The following TBC1D28 variants were observed in gnomAD, a reference collection of about 807,000 sequenced individuals.
TBC1D28 encodes the protein TBC1 domain family, member 28.
Under a neutral mutation model 29.2 loss-of-function variants are expected in TBC1D28, and 20 were observed. The ratio of observed to expected loss-of-function variants is 0.68; its 90% CI spans 0.48 to 0.99. The LOEUF is 0.99. Among genes scored for constraint, TBC1D28 ranks in the 50% least tolerant of loss-of-function variants. The pLI, the probability that TBC1D28 is intolerant of heterozygous loss-of-function variation, is 0.00. For missense variants in TBC1D28, 205 were observed against 243.7 expected (o/e 0.84, Z 1.06); for synonymous variants, 65 against 90.9 (o/e 0.71, Z 1.62).
chr17:18,636,662 A>G (rs1236669221), intron 8 of TBC1D28, 65 bp from the exon 10 acceptor site: 4 of 1,574,994 alleles, frequency 2.5e-6, no homozygotes, highest in Non-Finnish European at 3.5e-6. Flanking sequence ...CATTTTGTCT[A>G]CAAACCCAAA....
At position 18,638,058 on chromosome 17, in the gene TBC1D28, C is replaced by T. The variant is rs1243661794; in HGVS notation, c.388-85G>A. 4.5e-6 allele frequency: 7 copies of T among 1,546,084 alleles called. No homozygotes were observed. The Admixed American group carries it at 1.2e-4, about 26-fold the overall frequency. ...CAAACGGCAGTCATCCCACAGTCAGCACTTCTGGAAGGAAGGAAGGAAGGA... is the reference window on the plus strand; with the variant it reads ...CAAACGGCAGTCATCCCACAGTCAGTACTTCTGGAAGGAAGGAAGGAAGGA... On this transcript the variant is annotated intron_variant, in intron 7 of 8. Coordinates refer to ENST00000345096, the Ensembl canonical transcript of TBC1D28.
chr17:18,644,155 A>G (rs1164307497), upstream of TBC1D28: 2 of 151,666 alleles, frequency 1.3e-5, no homozygotes, highest in Non-Finnish European at 2.9e-5. Flanking sequence ...AGAGTCCACC[A>G]GGTCAGTGCA....
At chr17:18,638,869 T>A (rs2151717430) in intron 5 of TBC1D28, 168 bp from the exon 7 acceptor site, 1 of 914,378 alleles carries the variant, frequency 1.1e-6, no homozygotes, top group Admixed American at 2.6e-5. Context: ...GCTGGTAGTC[T>A]GGACTGGTGA....
At chr17:18,636,668 C>T in intron 8 of TBC1D28, 71 bp from the exon 10 acceptor site, 2 of 1,563,100 alleles carry the variant, frequency 1.3e-6, no homozygotes, top group South Asian at 2.4e-5. Flanking sequence ...GTCTACAAAC[C>T]CAAATAACGA....
At chr17:18,643,852 C>A (rs983274776), upstream of TBC1D28, among the ~76,000 whole-genome samples, 31 of 152,352 alleles carry the variant, frequency 2.0e-4, 1 homozygote, top group Admixed American at 5.2e-4. Context: ...GTGAGACCTC[C>A]TCCTGCGGAC....
exon 9 of TBC1D28, chr17:18,635,330 A>G (rs561765503): frequency 2.5e-3 from 390 of 158,062 alleles, no homozygotes; most frequent in Non-Finnish European, 3.8e-3. Flanking sequence ...GGGGATCTGA[A>G]AACTCCAGGT....
At chr17:18,643,952 ACT>A (rs2031884458), upstream of TBC1D28, among the ~76,000 whole-genome samples, 2 of 152,072 alleles carry the variant, frequency 1.3e-5, no homozygotes, top group Non-Finnish European at 2.9e-5. Context: ...TCAGGGCCAG[ACT>A]CTGCCCCATC....
At position 18,637,307 on chromosome 17, in the gene TBC1D28, C is replaced by T. The variant is rs1187952830; in HGVS notation, c.497+557G>A. Among the ~76,000 whole-genome samples, 2 of 89,708 alleles carry T rather than the reference C, an allele frequency of 2.2e-5. 1 individual carries two copies. The highest frequency in any genetic ancestry group is 1.2e-4 in the African/African-American group (2 of 16,672). The allele number at this position is 89,708 out of a possible 152,430, so 58.9% of individuals were successfully genotyped here. ...ACAACCAATCAAGCGGTGAACGTCACATGCGGGTTTTACTTGGACGTCAGT... is the reference window on the plus strand; with the variant it reads ...ACAACCAATCAAGCGGTGAACGTCATATGCGGGTTTTACTTGGACGTCAGT... On this transcript the variant is annotated intron_variant, in intron 8 of 8. Coordinates refer to ENST00000345096, the Ensembl canonical transcript of TBC1D28.
intron 7 of TBC1D28, 34 bp downstream of exon 8, chr17:18,638,279 T>G (rs2031595755): frequency 6.2e-7 from 1 of 1,609,694 alleles, no homozygotes; most frequent in Non-Finnish European, 8.5e-7. Flanking sequence ...CTAGCTTGTT[T>G]GTACTGCCCT....
chr17:18,635,059 A>T (rs2031428413), exon 9 of TBC1D28: 1 of 151,978 alleles, frequency 6.6e-6, no homozygotes, highest in Non-Finnish European at 1.5e-5. Flanking sequence ...GGGGGAGCGG[A>T]CCCCGAGAGG....
exon 3 of TBC1D28, chr17:18,641,340 C>T (rs1304033294): frequency 3.7e-6 from 6 of 1,613,836 alleles, no homozygotes; most frequent in Middle Eastern, 3.3e-4. Context: ...TCCGGGTCCT[C>T]ATCCATCTCC....
chr17:18,634,252 G>A (rs2031375576), downstream of TBC1D28, among the ~76,000 whole-genome samples: 2 of 149,918 alleles, frequency 1.3e-5, no homozygotes, highest in South Asian at 4.2e-4. Context: ...AGAGATATAC[G>A]AGACTTTTTT....
upstream of TBC1D28, chr17:18,642,517 G>A (rs2031817868): frequency 6.6e-6 from 1 of 152,116 alleles, no homozygotes; most frequent in African/African-American, 2.4e-5. Flanking sequence ...GGGTAGGGCT[G>A]AGTGCACGGC....
upstream of TBC1D28, chr17:18,642,666 T>C (rs2031824596): frequency 6.6e-6 from 1 of 152,246 alleles, no homozygotes; most frequent in Admixed American, 6.5e-5. Context: ...GTCCACGCCG[T>C]CAGTGCAGAA....
exon 9 of TBC1D28, chr17:18,636,476 C>T: frequency 6.2e-7 from 1 of 1,612,026 alleles, no homozygotes; most frequent in African/African-American, 1.3e-5. Context: ...GAAGTTGCAA[C>T]ACCCCCGAGA....
rs2031620508 is a variant in TBC1D28 at position 18,638,615 on chromosome 17, T to C, written c.279+6A>G. The C allele has an allele frequency of 1.2e-6, 2 of 1,614,098 alleles. No individual in the cohort carries two copies. The highest frequency in any genetic ancestry group is 1.3e-5 in the African/African-American group (1 of 74,930). The stretch of plus-strand genomic sequence containing the variant: ...AGTCACGGGGGCCGCTTCCTCCCCA[T>C]GTTACCTTCTTGGTGCTCCTATATT... On this transcript the variant is annotated splice_donor_region_variant and intron_variant, in intron 6 of 8. Transcript: ENST00000345096.
intron 2 of TBC1D28, 133 bp downstream of exon 3, chr17:18,641,499 T>G: frequency 1.1e-6 from 1 of 888,170 alleles, no homozygotes. Flanking sequence ...CCAGACTCAG[T>G]GGCCCCACCC....
rs780246850 is a variant in TBC1D28, at chr17:18,638,312, C to T, written c.387+1G>A. 3.1e-6 allele frequency: 5 copies of T among 1,613,990 alleles called. No individual in the cohort carries two copies. The African/African-American group carries it at 6.7e-5, about 22-fold the overall frequency. ...CCTAGCTGAGTGTGGGAGGGACTTA[C>T]CTTATATTTGCCTGGGTTCTGGGAC... On this transcript the variant is annotated splice_donor_variant, in intron 7 of 8. Coordinates refer to ENST00000345096, the Ensembl canonical transcript of TBC1D28. LOFTEE classifies it high-confidence loss of function.
At chr17:18,642,716 A>T (rs998130413), upstream of TBC1D28, 1 of 152,266 alleles carries the variant, frequency 6.6e-6, no homozygotes, top group Non-Finnish European at 1.5e-5. Context: ...CCTCGTCGGC[A>T]TCTGCCCAGA....
Sources: gnomAD v4.1 joint callset for allele counts (sites outside exome capture counted in the v4.1 genomes callset) on GRCh38, gnomAD v4.1.1 for gene constraint, MANE v1.5 for transcripts, NCBI Gene and HGNC (gene_info 2026-07-23, HGNC 2026-07-21) for gene names.